TBC1D32: variants seen among roughly 807,000 people sequenced by gnomAD.
TBC1D32 encodes protein broad-minded.
TBC1D32 carries 151 observed loss-of-function variants against 170.3 expected under a neutral mutation model. The ratio of observed to expected loss-of-function variants is 0.89; its 90% CI spans 0.78 to 1.01. TBC1D32 has a LOEUF of 1.01. Among genes scored for constraint, TBC1D32 ranks in the 50% least tolerant of loss-of-function variants. The pLI is 0.00. For missense variants in TBC1D32, 1,464 were observed against 1,457.1 expected (o/e 1.00, Z -0.08); for synonymous variants, 498 against 488.0 (o/e 1.02, Z -0.27).
At chr6:121,255,964 A>G in intron 16 of TBC1D32, 120 bp downstream of exon 16, 1 of 822,166 alleles carries the variant, frequency 1.2e-6, no homozygotes, top group Non-Finnish European at 1.9e-6. Context: ...GAGTACTGTG[A>G]TGCTAAAGAA....
chr6:121,121,742 A>G (rs949942666), intron 26 of TBC1D32, among the ~76,000 whole-genome samples: 13 of 151,956 alleles, frequency 8.6e-5, no homozygotes, highest in Non-Finnish European at 1.8e-4. Flanking sequence ...CCTTTATTTG[A>G]CAAACATTTA....
intron 22 of TBC1D32, among the ~76,000 whole-genome samples, chr6:121,176,847 C>T (rs1188788569): frequency 2.6e-5 from 4 of 152,076 alleles, no homozygotes; most frequent in Admixed American, 1.3e-4. Flanking sequence ...TCTGCCCACC[C>T]GCCTCAGCCT....
chr6:121,142,776 G>A (rs1782956894), intron 24 of TBC1D32, among the ~76,000 whole-genome samples: 1 of 152,046 alleles, frequency 6.6e-6, no homozygotes, highest in Admixed American at 6.6e-5. Flanking sequence ...ATAGTAGAGT[G>A]GACTAGCCAA....
intron 20 of TBC1D32, among the ~76,000 whole-genome samples, chr6:121,229,714 A>G (rs1006020759): frequency 1.3e-5 from 2 of 152,168 alleles, no homozygotes; most frequent in African/African-American, 4.8e-5. Context: ...GGGATAATTC[A>G]TGAAAAAGAG....
At position 121,160,941 on chromosome 6, in the gene TBC1D32, C is replaced by T. The variant is rs779100981; in HGVS notation, c.2679+7G>A. On this transcript the variant is annotated splice_region_variant and intron_variant, in intron 23 of 31. Transcript: ENST00000398212. ...ACACATCCCACTTCTCTTTGCCCCA[C>T]ACTCACCTTTTCGAGTAACCTCGGA... 3 of 1,608,592 alleles carry T rather than the reference C, an allele frequency of 1.9e-6. No individual in the cohort carries two copies. The highest frequency in any genetic ancestry group is 1.7e-5 in the Admixed American group (1 of 59,994).
At chr6:121,101,474 C>G (rs996131091) in intron 30 of TBC1D32, among the ~76,000 whole-genome samples, 4 of 151,664 alleles carry the variant, frequency 2.6e-5, no homozygotes, top group African/African-American at 9.7e-5. Flanking sequence ...TAAACTGAAC[C>G]AAAGACAAAA....
At chr6:121,124,932 G>C (rs541812077) in intron 26 of TBC1D32, among the ~76,000 whole-genome samples, 1 of 152,072 alleles carries the variant, frequency 6.6e-6, no homozygotes, top group African/African-American at 2.4e-5. Flanking sequence ...TTTCTGAATT[G>C]ATCTTAGTGT....
chr6:121,241,495 C>T lies in TBC1D32; in HGVS notation c.2215G>A (p.Ala739Thr), dbSNP rs191814118. Residue 739 changes from alanine (A) to threonine (T), a missense_variant, in exon 19 of 32, where the codon GCA becomes ACA. By Grantham distance (58) the Ala-to-Thr change is moderately conservative. Transcript: ENST00000398212. ...TTTTTTAGTGCAATGCCACCTGCTG[C>T]TGTTGATGCCACTCGTGTAACCAAA... ...GVLVTRVAST[A>T]AGGIALKKSG... is the part of the protein sequence containing the mutation. 4,376 of 1,613,462 alleles carry T rather than the reference C, an allele frequency of 2.7e-3. 10 individuals are homozygous for T. Among genetic ancestry groups the T allele is most frequent in the Middle Eastern group, 5.8e-3 (35 of 6,060 alleles).
chr6:121,240,996 A>C (rs555454724), intron 19 of TBC1D32, among the ~76,000 whole-genome samples: 1 of 152,278 alleles, frequency 6.6e-6, no homozygotes, highest in East Asian at 1.9e-4. Flanking sequence ...GTGAAAGCTA[A>C]GTGGTAAGAC....
intron 26 of TBC1D32, among the ~76,000 whole-genome samples, chr6:121,117,464 G>A (rs760582522): frequency 1.3e-5 from 2 of 152,168 alleles, no homozygotes; most frequent in Admixed American, 6.5e-5. Flanking sequence ...CACTTTGGGA[G>A]GCTGAGAGGG....
intron 9 of TBC1D32, 71 bp downstream of exon 9, chr6:121,303,545 CA>C: frequency 8.3e-7 from 1 of 1,205,826 alleles, no homozygotes; most frequent in Non-Finnish European, 1.1e-6. Flanking sequence ...ACACAGTATT[CA>C]AACATTAACT....
chr6:121,234,414 A>T (rs931290557), intron 20 of TBC1D32, among the ~76,000 whole-genome samples: 4 of 151,660 alleles, frequency 2.6e-5, no homozygotes, highest in Middle Eastern at 3.2e-3. Context: ...ATTTTTAAAA[A>T]TTTTTTTCTT....
At chr6:121,268,566 G>T (rs1293539731) in intron 15 of TBC1D32, among the ~76,000 whole-genome samples, 2 of 152,052 alleles carry the variant, frequency 1.3e-5, no homozygotes, top group Non-Finnish European at 2.9e-5. Context: ...TAGAGAAAAG[G>T]ACTAAAAAGA....
At chr6:121,309,881 A>T (rs941213382) in intron 4 of TBC1D32, among the ~76,000 whole-genome samples, 3 of 152,074 alleles carry the variant, frequency 2.0e-5, no homozygotes. Flanking sequence ...AAAAAATACA[A>T]AATTTCACCA....
At chr6:121,183,938 T>C (rs968076599) in intron 22 of TBC1D32, among the ~76,000 whole-genome samples, 3 of 152,042 alleles carry the variant, frequency 2.0e-5, no homozygotes, top group Non-Finnish European at 2.9e-5. Context: ...AAACTTCCCA[T>C]ATACACCACA....
At chr6:121,319,979 C>A (rs887323476) in intron 2 of TBC1D32, among the ~76,000 whole-genome samples, 3 of 151,970 alleles carry the variant, frequency 2.0e-5, no homozygotes, top group African/African-American at 7.2e-5. Flanking sequence ...TGAATAAAAA[C>A]CACATCAATT....
chr6:121,255,371 C>T lies in TBC1D32; in HGVS notation c.1975G>A (p.Gly659Ser), dbSNP rs765201929. ...LSERIPTPVE[G>S]SDSVSSVSQE... ...CTTACTGAAGAAACAGAATCAGAAC[C>T]CTCTACTGGAGTAGGAATTCTTTCT... The change falls in exon 17 of 32, where the codon GGT (glycine) becomes AGT (serine). Residue 659 changes from glycine to serine, a missense_variant. Gly to Ser is a moderately conservative substitution (Grantham distance 56, BLOSUM62 0). Coordinates refer to ENST00000398212, the MANE Select transcript of TBC1D32 (RefSeq NM_152730.6). 5 of 1,534,400 alleles carry T rather than the reference C, an allele frequency of 3.3e-6. No individual in the cohort carries two copies. The highest frequency in any genetic ancestry group is 2.4e-5 in the East Asian group (1 of 40,986).
intron 1 of TBC1D32, among the ~76,000 whole-genome samples, chr6:121,323,248 C>G (rs2128505082): frequency 6.6e-6 from 1 of 152,282 alleles, no homozygotes; most frequent in African/African-American, 2.4e-5. Flanking sequence ...TCAATCAGTA[C>G]AAAGCCATAT....
At chr6:121,101,732 G>A (rs1238533591) in intron 30 of TBC1D32, among the ~76,000 whole-genome samples, 1 of 152,090 alleles carries the variant, frequency 6.6e-6, no homozygotes, top group Admixed American at 6.6e-5. Flanking sequence ...TGGAAGTTCT[G>A]GCCAGGGCAT....
Sources: gnomAD v4.1 joint callset for allele counts (sites outside exome capture counted in the v4.1 genomes callset) on GRCh38, gnomAD v4.1.1 for gene constraint, MANE v1.5 for transcripts, NCBI Gene and HGNC (gene_info 2026-07-23, HGNC 2026-07-21) for gene names.